The following DGKB variants were observed in gnomAD, a reference collection of about 807,000 sequenced individuals.
DGKB encodes the protein 90 kDa diacylglycerol kinase.
Under a neutral mutation model 114.3 loss-of-function variants are expected in DGKB, and 67 were observed. The ratio of observed to expected loss-of-function variants is 0.59; its 90% CI spans 0.48 to 0.72. The LOEUF is 0.72. Among genes scored for constraint, DGKB ranks in the 30% least tolerant of loss-of-function variants. The pLI, the probability that DGKB is intolerant of heterozygous loss-of-function variation, is 0.00. For missense variants in DGKB, 907 were observed against 975.2 expected, an observed-to-expected ratio of 0.93 and a Z score of 0.93; for synonymous variants, 398 against 323.1, an observed-to-expected ratio of 1.23 and a Z score of -2.49.
At chr7:14,402,824 C>G (rs966441558) in intron 21 of DGKB, among the ~76,000 whole-genome samples, 1 of 151,786 alleles carries the variant, frequency 6.6e-6, no homozygotes, top group Non-Finnish European at 1.5e-5. Flanking sequence ...CATAGGCGGG[C>G]CTTCATCTAA....
intron 5 of DGKB, among the ~76,000 whole-genome samples, chr7:14,731,039 G>A (rs1323491721): frequency 3.3e-5 from 5 of 152,288 alleles, no homozygotes; most frequent in Middle Eastern, 3.4e-3. Flanking sequence ...CTGGCAGAAC[G>A]TTTGGGAAGA....
Position 14,338,716 on chromosome 7 carries a change from C to T in DGKB, c.1927-6G>A, listed in dbSNP as rs751086035. On this transcript the variant is annotated splice_polypyrimidine_tract_variant and splice_region_variant and intron_variant, in intron 22 of 25. Coordinates refer to ENST00000402815, the MANE Select transcript of DGKB (RefSeq NM_001350709.2). ...TCTATCTGTACTCCATCACACTGAT[C>T]GGTAAAAAGAAAGAAACAGAAACGG... The T allele has an allele frequency of 4.2e-6, 6 of 1,417,746 alleles. No individual in the cohort carries two copies. Among genetic ancestry groups the T allele is most frequent in the Admixed American group, 2.6e-5 (1 of 37,984 alleles). 87.8% of individuals were successfully genotyped at this position (1,417,746 alleles called of 1,614,324 possible).
chr7:14,564,664 C>T (rs1159050941), intron 20 of DGKB, among the ~76,000 whole-genome samples: 1 of 152,118 alleles, frequency 6.6e-6, no homozygotes, highest in Non-Finnish European at 1.5e-5. Context: ...TTTATAGATG[C>T]ATCTTCACTG....
intron 20 of DGKB, among the ~76,000 whole-genome samples, chr7:14,554,965 T>G (rs12537358): frequency 0.038 from 5,803 of 152,226 alleles, 201 homozygotes; most frequent in East Asian, 0.2. Flanking sequence ...AAATGAAAGA[T>G]CAAGAAAACA....
intron 23 of DGKB, among the ~76,000 whole-genome samples, chr7:14,327,122 A>G (rs1031504436): frequency 7.2e-5 from 11 of 152,108 alleles, no homozygotes; most frequent in African/African-American, 2.2e-4. Flanking sequence ...TGGCTCTTGA[A>G]TTGCAACGGA....
chr7:14,564,734 T>C (rs1797145240), intron 20 of DGKB, among the ~76,000 whole-genome samples: 1 of 152,160 alleles, frequency 6.6e-6, no homozygotes, highest in African/African-American at 2.4e-5. Context: ...TTCTATTTAG[T>C]CGGCCATTCT....
intron 2 of DGKB, among the ~76,000 whole-genome samples, chr7:14,832,041 G>A (rs767443686): frequency 7.2e-5 from 11 of 151,784 alleles, no homozygotes; most frequent in Non-Finnish European, 1.3e-4. Context: ...AACAACGAAA[G>A]CAATAATTAA....
At chr7:14,635,824 TATA>T (rs1810646192) in intron 13 of DGKB, among the ~76,000 whole-genome samples, 1 of 151,630 alleles carries the variant, frequency 6.6e-6, no homozygotes, top group South Asian at 2.1e-4. Flanking sequence ...AAAATTAATC[TATA>T]ATATTTCCTG....
intron 23 of DGKB, among the ~76,000 whole-genome samples, chr7:14,187,349 AC>A (rs1364438839): frequency 6.6e-6 from 1 of 151,430 alleles, no homozygotes; most frequent in Non-Finnish European, 1.5e-5. Flanking sequence ...GCATCACCAC[AC>A]CTGCACACAC....
At chr7:14,491,071 G>A (rs1455812121) in intron 20 of DGKB, among the ~76,000 whole-genome samples, 1 of 151,912 alleles carries the variant, frequency 6.6e-6, no homozygotes, top group Non-Finnish European at 1.5e-5. Flanking sequence ...AATGAGTTTA[G>A]TCTTTAAACT....
intron 4 of DGKB, among the ~76,000 whole-genome samples, chr7:14,752,586 C>T (rs930374352): frequency 1.3e-5 from 2 of 152,058 alleles, no homozygotes; most frequent in African/African-American, 4.8e-5. Context: ...CCTTGAACAC[C>T]CTCAGTTTTG....
At chr7:14,732,981 G>A (rs1332158986) in intron 5 of DGKB, among the ~76,000 whole-genome samples, 10 of 151,998 alleles carry the variant, frequency 6.6e-5, no homozygotes, top group African/African-American at 2.4e-4. Context: ...CAAAACTCAA[G>A]GACAATATTG....
intron 13 of DGKB, among the ~76,000 whole-genome samples, chr7:14,664,840 C>A (rs1182457755): frequency 6.6e-6 from 1 of 151,506 alleles, no homozygotes; most frequent in African/African-American, 2.4e-5. Flanking sequence ...CTGCTCTTAT[C>A]TGGATTTTTA....
Position 14,403,621 on chromosome 7 carries a change from C to T in DGKB, c.1836-58230G>A, listed in dbSNP as rs141228361. On this transcript the variant is annotated intron_variant, in intron 21 of 25. Transcript: ENST00000402815. The stretch of plus-strand genomic sequence containing the variant: ...CTCCAATGCAACTCCTGTTGGAGAA[C>T]TCTTAGGGAACCCTAATTAGTGTCC... 7.7e-3 allele frequency among the ~76,000 whole-genome samples: 1,171 copies of T among 152,040 alleles called. 15 individuals are homozygous for T. Among genetic ancestry groups the T allele is most frequent in the African/African-American group, 0.026 (1,098 of 41,512 alleles).
chr7:14,576,778 T>A lies in DGKB; in HGVS notation c.1610-2406A>T, dbSNP rs905544701. On this transcript the variant is annotated intron_variant, in intron 19 of 25. Coordinates refer to ENST00000402815, the MANE Select transcript of DGKB (RefSeq NM_001350709.2). ...TTACCACATCTAGATTGTAGCAGGG[T>A]CACGCAGCTTAAAATCTTTACCACT... is the stretch of plus-strand genomic sequence containing the variant. Among the ~76,000 whole-genome samples the A allele has an allele frequency of 4.6e-5, 7 of 152,140 alleles. No individual in the cohort carries two copies. The East Asian group carries it at 1.4e-3, about 29-fold the overall frequency.
chr7:14,659,737 C>T (rs1026031628), intron 13 of DGKB, among the ~76,000 whole-genome samples: 10 of 146,794 alleles, frequency 6.8e-5, no homozygotes, highest in African/African-American at 2.5e-4. Flanking sequence ...CTTCTCCTGC[C>T]TAACTGCCCT....
At chr7:14,839,217 T>C (rs1183686233) in intron 2 of DGKB, among the ~76,000 whole-genome samples, 2 of 152,028 alleles carry the variant, frequency 1.3e-5, no homozygotes. Context: ...GAAAACTCAC[T>C]CTGAAGAAGA....
At chr7:14,446,582 G>A (rs977741540) in intron 21 of DGKB, among the ~76,000 whole-genome samples, 1 of 152,082 alleles carries the variant, frequency 6.6e-6, no homozygotes, top group Non-Finnish European at 1.5e-5. Flanking sequence ...GAATGGTAAT[G>A]TACTCAACAA....
Position 14,611,516 on chromosome 7 carries a change from T to C in DGKB, c.1358+1824A>G, listed in dbSNP as rs1585103216. Among the ~76,000 whole-genome samples, 4 of 152,266 alleles carry C rather than the reference T, an allele frequency of 2.6e-5. No homozygotes were observed. In the East Asian group the frequency reaches 7.7e-4, roughly 29 times the overall value. ...ATCACCTTGTGAAAGGTGCCTCTTA[T>C]GCAGGCAGAAAAATTATGTTTGCAT... On this transcript the variant is annotated intron_variant, in intron 16 of 25. Transcript: ENST00000402815.
Sources: gnomAD v4.1 joint callset for allele counts (sites outside exome capture counted in the v4.1 genomes callset) on GRCh38, gnomAD v4.1.1 for gene constraint, MANE v1.5 for transcripts, NCBI Gene and HGNC (gene_info 2026-07-23, HGNC 2026-07-21) for gene names.